BMP6: variants seen among roughly 807,000 people sequenced by gnomAD.
BMP6 encodes the protein VG-1-R.
A neutral mutation model predicts 54.1 loss-of-function variants in BMP6; 17 were observed. The observed-to-expected ratio is 0.31, with a 90% confidence interval of 0.22 to 0.47. The LOEUF (loss-of-function observed/expected upper bound fraction) is 0.47. Among genes scored for constraint, BMP6 ranks in the 20% least tolerant of loss-of-function variants. The pLI is 1.00. For synonymous variants in BMP6, 328 were observed against 291.2 expected, an observed-to-expected ratio of 1.13 and a Z score of -1.28; for missense variants, 720 against 690.4, an observed-to-expected ratio of 1.04 and a Z score of -0.48.
At chr6:7,777,479 G>C (rs546875055) in intron 1 of BMP6, among the ~76,000 whole-genome samples, 26 of 152,270 alleles carry the variant, frequency 1.7e-4, no homozygotes, top group Non-Finnish European at 1.3e-4. Flanking sequence ...CCCCCCTCTG[G>C]CTCCAGTATG....
At position 7,757,356 on chromosome 6, in the gene BMP6, T is replaced by C. The variant is rs528133165; in HGVS notation, c.664+29737T>C. On this transcript the variant is annotated intron_variant, in intron 1 of 6. Coordinates refer to ENST00000283147, the MANE Select transcript of BMP6 (RefSeq NM_001718.6). ...TTGTTCATGCCTTTCTCTGAGCTTC[T>C]GGTGTTGCTGGCAATCCTTGTCTTG... Among the ~76,000 whole-genome samples the C allele has an allele frequency of 5.3e-5, 8 of 152,346 alleles. No homozygotes were observed. In the East Asian group the frequency reaches 1.5e-3, roughly 29 times the overall value.
rs1048774251 is a variant in BMP6 at position 7,727,022 on chromosome 6, G to A, written c.67G>A (p.Gly23Arg). The change falls in exon 1 of 7, where the codon GGG becomes AGG. Residue 23 changes from glycine (G) to arginine (R), a missense_variant. Around this residue, in one of 3 missense-constraint regions of BMP6, gnomAD observed 650 missense variants for 556.3 expected, o/e 1.17. Transcript: ENST00000283147. ...GTGGGGGCTGCTGTGCAGCTGCTGC[G>A]GGCCCCCGCCGCTGCGGCCGCCCTT... ...WWWGLLCSCC[G>R]PPPLRPPLPA... 2.8e-5 allele frequency: 31 copies of A among 1,120,804 alleles called. No individual in the cohort carries two copies. The highest frequency in any genetic ancestry group is 3.3e-5 in the Non-Finnish European group (30 of 918,520). 69.4% of individuals were successfully genotyped at this position (1,120,804 alleles called of 1,614,324 possible).
chr6:7,745,723 G>A (rs942630807), intron 1 of BMP6, among the ~76,000 whole-genome samples: 4 of 151,992 alleles, frequency 2.6e-5, no homozygotes, highest in African/African-American at 7.2e-5. Context: ...CAAATGACAG[G>A]AAGATGTGGC....
Position 7,821,371 on chromosome 6 carries a change from T to C in BMP6, c.665-23769T>C, listed in dbSNP as rs186293622. 1.2e-4 allele frequency among the ~76,000 whole-genome samples: 18 copies of C among 152,246 alleles called. No individual in the cohort carries two copies. In the East Asian group the frequency reaches 2.3e-3, roughly 20 times the overall value. ...ACTGCTGAGCCTTGGGCCAACTCTT[T>C]TGTCATCTCTGCTCTCAGAATTACT... On this transcript the variant is annotated intron_variant, in intron 1 of 6. Transcript: ENST00000283147.
At chr6:7,796,792 CAAA>C (rs1213741831) in intron 1 of BMP6, among the ~76,000 whole-genome samples, 3 of 152,104 alleles carry the variant, frequency 2.0e-5, no homozygotes, top group East Asian at 1.9e-4. Context: ...TTTTTTTAAA[CAAA>C]AGAAGGTTGC....
chr6:7,863,823 A>G (rs1456772718), intron 4 of BMP6, among the ~76,000 whole-genome samples: 1 of 152,124 alleles, frequency 6.6e-6, no homozygotes, highest in Non-Finnish European at 1.5e-5. Context: ...GTTCGAGACC[A>G]GCCTGGCCAA....
chr6:7,802,472 G>A (rs573233797), intron 1 of BMP6, among the ~76,000 whole-genome samples: 3 of 152,300 alleles, frequency 2.0e-5, no homozygotes, highest in East Asian at 1.9e-4. Flanking sequence ...TTTCCCAGAC[G>A]TTGTAATCCT....
intron 1 of BMP6, among the ~76,000 whole-genome samples, chr6:7,819,537 AG>A (rs1758577580): frequency 6.6e-6 from 1 of 152,126 alleles, no homozygotes; most frequent in Non-Finnish European, 1.5e-5. Context: ...AAGGGATGTA[AG>A]GGGAGAGAAA....
intron 1 of BMP6, among the ~76,000 whole-genome samples, chr6:7,752,688 G>C (rs565989277): frequency 1.3e-5 from 2 of 152,178 alleles, no homozygotes; most frequent in South Asian, 4.2e-4. Context: ...TCTGGGATGG[G>C]AGGTGGCAAT....
At chr6:7,737,488 C>T (rs1761972622) in intron 1 of BMP6, among the ~76,000 whole-genome samples, 1 of 148,314 alleles carries the variant, frequency 6.7e-6, no homozygotes, top group Non-Finnish European at 1.5e-5. Flanking sequence ...AGGGCAGAGC[C>T]TTCTAACACC....
intron 1 of BMP6, among the ~76,000 whole-genome samples, chr6:7,748,417 T>C (rs1308239535): frequency 3.0e-4 from 45 of 152,178 alleles, no homozygotes; most frequent in Admixed American, 2.9e-3. Context: ...TCTCTTATGC[T>C]AAGAGCAGGA....
chr6:7,804,149 A>G (rs527911394), intron 1 of BMP6, among the ~76,000 whole-genome samples: 6 of 152,366 alleles, frequency 3.9e-5, no homozygotes, highest in South Asian at 4.1e-4. Context: ...GGAAATGTCT[A>G]GAGTGGGATG....
intron 4 of BMP6, among the ~76,000 whole-genome samples, chr6:7,868,499 G>A (rs1000794775): frequency 2.0e-5 from 3 of 152,244 alleles, no homozygotes; most frequent in African/African-American, 4.8e-5. Flanking sequence ...AGATGGGGCC[G>A]ATAAGGCCCA....
At chr6:7,841,061 T>A (rs1041021648) in intron 1 of BMP6, among the ~76,000 whole-genome samples, 2 of 152,200 alleles carry the variant, frequency 1.3e-5, no homozygotes, top group Non-Finnish European at 2.9e-5. Flanking sequence ...ACAGCTAACA[T>A]TGATTGGGTA....
At chr6:7,870,267 C>T (rs1031410090) in intron 4 of BMP6, among the ~76,000 whole-genome samples, 17 of 152,198 alleles carry the variant, frequency 1.1e-4, no homozygotes, top group African/African-American at 3.4e-4. Context: ...TGGAACACCC[C>T]GGTCTCTTAT....
At chr6:7,794,867 G>C (rs9392924) in intron 1 of BMP6, among the ~76,000 whole-genome samples, 87,310 of 151,768 alleles carry the variant, frequency 0.58, 25,453 homozygotes, top group Admixed American at 0.63. Context: ...CATGGAGGAA[G>C]GATCACTTTC....
intron 4 of BMP6, 83 bp from the exon 5 acceptor site, chr6:7,878,991 C>A: frequency 7.4e-7 from 1 of 1,357,690 alleles, no homozygotes; most frequent in South Asian, 1.2e-5. Context: ...CAGAGCCTGG[C>A]ATGTGGTAAA....
chr6:7,807,401 C>T (rs1413642460), intron 1 of BMP6, among the ~76,000 whole-genome samples: 1 of 152,144 alleles, frequency 6.6e-6, no homozygotes, highest in Non-Finnish European at 1.5e-5. Flanking sequence ...TCAAGTGATT[C>T]TCCTGCCTCA....
At chr6:7,818,736 CAG>C (rs1451070728) in intron 1 of BMP6, among the ~76,000 whole-genome samples, 1 of 152,208 alleles carries the variant, frequency 6.6e-6, no homozygotes, top group Non-Finnish European at 1.5e-5. Context: ...TTCAAATGAA[CAG>C]GGGATGTGTA....
Sources: gnomAD v4.1 joint callset for allele counts (sites outside exome capture counted in the v4.1 genomes callset) on GRCh38, gnomAD v4.1.1 for gene constraint, gnomAD v4.1.1 regional missense constraint, MANE v1.5 for transcripts, NCBI Gene and HGNC (gene_info 2026-07-23, HGNC 2026-07-21) for gene names.